PPP3CA: variants seen among roughly 807,000 people sequenced by gnomAD.
The protein encoded by PPP3CA is CAM-PRP catalytic subunit.
In PPP3CA, 14 loss-of-function variants were observed where a neutral mutation model predicts 66.5. That is an observed-to-expected ratio of 0.21 (90% CI 0.14 to 0.33). PPP3CA has a LOEUF of 0.33. PPP3CA is among the 10% of genes least tolerant of loss of function. PPP3CA has a pLI of 1.00. For synonymous variants in PPP3CA, 232 were observed against 226.2 expected (o/e 1.03, Z -0.23); for missense variants, 317 against 639.5 (o/e 0.50, Z 5.44).
At chr4:101,236,273 G>A (rs1482097814) in intron 1 of PPP3CA, among the ~76,000 whole-genome samples, 1 of 125,658 alleles carries the variant, frequency 8.0e-6, no homozygotes, top group Non-Finnish European at 1.9e-5. Context: ...AAGATCTGAA[G>A]GATGAGAAAA....
At chr4:101,041,232 A>G (rs1450599363) in intron 10 of PPP3CA, among the ~76,000 whole-genome samples, 1 of 152,106 alleles carries the variant, frequency 6.6e-6, no homozygotes, top group African/African-American at 2.4e-5. Context: ...AAAGTTATGC[A>G]TGGTTTTTCT....
At chr4:101,256,937 C>T (rs1726861689) in intron 1 of PPP3CA, among the ~76,000 whole-genome samples, 1 of 151,960 alleles carries the variant, frequency 6.6e-6, no homozygotes, top group South Asian at 2.1e-4. Flanking sequence ...TTTATCATTG[C>T]TATGTGTTTT....
At chr4:101,054,637 A>G (rs1159151260) in intron 10 of PPP3CA, among the ~76,000 whole-genome samples, 1 of 152,120 alleles carries the variant, frequency 6.6e-6, no homozygotes, top group Non-Finnish European at 1.5e-5. Flanking sequence ...GTTCTGTACA[A>G]CTGTTAACAG....
chr4:101,161,071 A>T (rs558167210), intron 2 of PPP3CA, among the ~76,000 whole-genome samples: 2 of 152,252 alleles, frequency 1.3e-5, no homozygotes, highest in South Asian at 4.1e-4. Context: ...CTATGTTTAG[A>T]TATGTTATAT....
chr4:101,226,469 C>T (rs1405482035), intron 1 of PPP3CA, among the ~76,000 whole-genome samples: 5 of 151,676 alleles, frequency 3.3e-5, no homozygotes, highest in Admixed American at 3.3e-4. Flanking sequence ...ACTACTGATA[C>T]ATAAAAAAGT....
At chr4:101,238,601 A>G (rs1238591320) in intron 1 of PPP3CA, among the ~76,000 whole-genome samples, 6 of 152,056 alleles carry the variant, frequency 3.9e-5, no homozygotes, top group African/African-American at 1.4e-4. Flanking sequence ...ACAAAGTACT[A>G]AAATCCCCTA....
intron 6 of PPP3CA, among the ~76,000 whole-genome samples, chr4:101,090,876 CTATAT>C (rs1390951399): frequency 1.7e-5 from 2 of 118,916 alleles, no homozygotes; most frequent in East Asian, 4.3e-4. Context: ...ATATCTGTGT[CTATAT>C]TATAATATAC....
Position 101,032,298 on chromosome 4 carries a change from T to C in PPP3CA, c.1308A>G (p.Val436=). 6.2e-7 allele frequency: 1 copy of C among 1,608,814 alleles called. No homozygotes were observed. The highest frequency in any genetic ancestry group is 8.5e-7 in the Non-Finnish European group (1 of 1,177,720). Residue 436 remains valine (V), a synonymous_variant, in exon 12 of 14, where the codon GTA becomes GTG. Coordinates refer to ENST00000394854, the MANE Select transcript of PPP3CA (RefSeq NM_000944.5). ...LTPTGMLPSG[V]LSGGKQTLQS... ...GCAGGGTTTGCTTCCCTCCAGAAAG[T>C]ACTCCGCTGGGGAGCATGCCAGTTG...
intron 2 of PPP3CA, among the ~76,000 whole-genome samples, chr4:101,114,433 A>T (rs970288278): frequency 3.9e-5 from 6 of 152,154 alleles, no homozygotes; most frequent in African/African-American, 1.4e-4. Flanking sequence ...CTGGAAAAGT[A>T]AGAACTATCA....
intron 1 of PPP3CA, among the ~76,000 whole-genome samples, chr4:101,274,077 G>A (rs545496868): frequency 3.3e-5 from 5 of 152,254 alleles, no homozygotes; most frequent in South Asian, 2.1e-4. Flanking sequence ...AGGCCAAGGC[G>A]GGTGATCACC....
At chr4:101,343,344 CCAGA>C (rs978572417) in intron 1 of PPP3CA, among the ~76,000 whole-genome samples, 1 of 152,018 alleles carries the variant, frequency 6.6e-6, no homozygotes, top group Admixed American at 6.6e-5. Context: ...AATGCTAGGG[CCAGA>C]CAAAGCATTC....
chr4:101,263,718 CAG>C (rs1727078743), intron 1 of PPP3CA, among the ~76,000 whole-genome samples: 1 of 151,758 alleles, frequency 6.6e-6, no homozygotes, highest in Non-Finnish European at 1.5e-5. Flanking sequence ...TCCAGACTGA[CAG>C]GGGTCTATTG....
chr4:101,138,251 A>G (rs111885453), intron 2 of PPP3CA, among the ~76,000 whole-genome samples: 6,054 of 152,232 alleles, frequency 0.04, 196 homozygotes, highest in Middle Eastern at 0.11. Flanking sequence ...TTGAGCTTTG[A>G]TATTTACATA....
intron 2 of PPP3CA, among the ~76,000 whole-genome samples, chr4:101,177,625 A>G (rs568964170): frequency 2.1e-4 from 32 of 152,270 alleles, no homozygotes; most frequent in Non-Finnish European, 4.1e-4. Context: ...GAGTCAAATG[A>G]AAAGTGGAAT....
chr4:101,241,440 C>T (rs1364766903), intron 1 of PPP3CA, among the ~76,000 whole-genome samples: 2 of 151,952 alleles, frequency 1.3e-5, no homozygotes, highest in African/African-American at 2.4e-5. Flanking sequence ...AAAAAGAAAG[C>T]GCTCAACAAA....
Position 101,131,339 on chromosome 4 carries a change from T to C in PPP3CA, c.260-22261A>G, listed in dbSNP as rs148242671. On this transcript the variant is annotated intron_variant, in intron 2 of 13. Coordinates refer to ENST00000394854, the MANE Select transcript of PPP3CA (RefSeq NM_000944.5). ...AGTCAAGACCCATTGGTGTGCTGTA[T>C]TCAGGAGACCCATCTCATGTGCAAA... Among the ~76,000 whole-genome samples, 143 of 151,028 alleles carry C rather than the reference T, an allele frequency of 9.5e-4. No homozygotes were observed. In the East Asian group the frequency reaches 0.022, roughly 23 times the overall value.
At chr4:101,101,004 A>C (rs2110255803) in intron 3 of PPP3CA, among the ~76,000 whole-genome samples, 1 of 152,312 alleles carries the variant, frequency 6.6e-6, no homozygotes, top group South Asian at 2.1e-4. Context: ...TAATTATCAG[A>C]ACAAATGTTT....
chr4:101,105,121 G>A (rs1032246417), intron 3 of PPP3CA, among the ~76,000 whole-genome samples: 15 of 151,130 alleles, frequency 9.9e-5, no homozygotes, highest in Admixed American at 8.6e-4. Flanking sequence ...ATCTGCTGAG[G>A]AACAAATTAG....
chr4:101,225,202 C>A (rs757977656), intron 1 of PPP3CA, among the ~76,000 whole-genome samples: 1 of 151,776 alleles, frequency 6.6e-6, no homozygotes, highest in Non-Finnish European at 1.5e-5. Flanking sequence ...CATACAATCA[C>A]TATTTGATTT....
Sources: allele counts gnomAD v4.1 joint callset (sites outside exome capture counted in the v4.1 genomes callset), GRCh38; gene constraint gnomAD v4.1.1; transcripts MANE v1.5; gene names NCBI Gene and HGNC (gene_info 2026-07-23, HGNC 2026-07-21).